Variants in IFT88 observed in about 807,000 individuals in gnomAD.
The protein encoded by IFT88 is intraflagellar transport protein 88 homolog.
IFT88 carries 74 observed loss-of-function variants against 119.5 expected under a neutral mutation model. The ratio of observed to expected loss-of-function variants is 0.62; its 90% CI spans 0.51 to 0.75. The LOEUF is 0.75. Ranked by LOEUF, IFT88 falls within the 30% of genes least tolerant of loss-of-function variation. The probability of loss-of-function intolerance (pLI) is 0.00; values close to 1 mark genes in which losing one functional copy is unlikely to be tolerated. For missense variants in IFT88, 961 were observed against 977.7 expected (o/e 0.98, Z 0.23); for synonymous variants, 279 against 316.7 (o/e 0.88, Z 1.26).
intron 20 of IFT88, among the ~76,000 whole-genome samples, chr13:20,652,130 T>C (rs2051836674): frequency 6.6e-6 from 1 of 152,206 alleles, no homozygotes; most frequent in African/African-American, 2.4e-5. Context: ...ATAAAATGTT[T>C]TGGAGATCGT....
At chr13:20,614,605 T>C (rs2045264128) in intron 13 of IFT88, among the ~76,000 whole-genome samples, 1 of 152,066 alleles carries the variant, frequency 6.6e-6, no homozygotes, top group South Asian at 2.1e-4. Flanking sequence ...AATGGAAATA[T>C]AGTGGGAATA....
intron 13 of IFT88, chr13:20,612,253 G>A (rs915978940): frequency 6.6e-6 from 1 of 152,116 alleles, no homozygotes; most frequent in African/African-American, 2.4e-5. Context: ...TGGATTTTTG[G>A]AGCAGGGAGA....
intron 20 of IFT88, among the ~76,000 whole-genome samples, chr13:20,648,013 C>T (rs960529504): frequency 6.6e-6 from 1 of 152,148 alleles, no homozygotes; most frequent in African/African-American, 2.4e-5. Context: ...CACCAGAAAC[C>T]TTGGAGGCCA....
chr13:20,585,655 AGACT>A (rs986519084), intron 3 of IFT88, among the ~76,000 whole-genome samples: 1 of 152,204 alleles, frequency 6.6e-6, no homozygotes, highest in Non-Finnish European at 1.5e-5. Context: ...TCACATTGAT[AGACT>A]GACCAGTGGC....
chr13:20,667,338 T>G (rs911178512), intron 23 of IFT88, among the ~76,000 whole-genome samples: 12 of 152,198 alleles, frequency 7.9e-5, no homozygotes, highest in Non-Finnish European at 1.6e-4. Flanking sequence ...GTGTTTACTG[T>G]GCTCCTAAAA....
At chr13:20,679,963 T>G (rs1351248971) in intron 24 of IFT88, among the ~76,000 whole-genome samples, 2 of 152,216 alleles carry the variant, frequency 1.3e-5, no homozygotes, top group East Asian at 3.8e-4. Flanking sequence ...TAGCTACAGA[T>G]TGAGAGGTGA....
At chr13:20,656,475 T>C in intron 22 of IFT88, 45 bp downstream of exon 22, 1 of 893,132 alleles carries the variant, frequency 1.1e-6, no homozygotes, top group East Asian at 2.7e-5. Flanking sequence ...TAAGTTCTCA[T>C]ATTTTATGTT....
At position 20,638,477 on chromosome 13, in the gene IFT88, T is replaced by C; in HGVS notation, c.1532T>C (p.Leu511Pro). Residue 511 changes from leucine (L) to proline (P), a missense_variant, in exon 17 of 26, where the codon CTA becomes CCA. By Grantham distance (98) the Leu-to-Pro change is moderately conservative. Transcript: ENST00000351808. ...GCCGCTGAATTCTATAAAGAGGCTC[T>C]AAGAAATGATTCTTCTTGTACTGAA... The part of the protein sequence containing the change: ...EKAAEFYKEA[L>P]RNDSSCTEAL... 1 of 1,519,442 alleles carries C rather than the reference T, an allele frequency of 6.6e-7. No individual in the cohort carries two copies. Among genetic ancestry groups the C allele is most frequent in the Non-Finnish European group, 8.8e-7 (1 of 1,141,624 alleles). 94.1% of individuals were successfully genotyped at this position (1,519,442 alleles called of 1,614,324 possible).
intron 13 of IFT88, among the ~76,000 whole-genome samples, chr13:20,606,707 C>T (rs1014032558): frequency 6.6e-6 from 1 of 152,050 alleles, no homozygotes; most frequent in African/African-American, 2.4e-5. Context: ...GGTGAAACCT[C>T]ATCTTTACTA....
chr13:20,590,446 T>C (rs1354536667), intron 4 of IFT88, among the ~76,000 whole-genome samples: 2 of 152,164 alleles, frequency 1.3e-5, no homozygotes, highest in Admixed American at 1.3e-4. Context: ...CAAAAAAATA[T>C]CTTCAGAACC....
rs9579903 is a variant in IFT88 at position 20,587,933 on chromosome 13, A to G, written c.154-1878A>G. 6.4e-3 allele frequency among the ~76,000 whole-genome samples: 944 copies of G among 146,850 alleles called. 8 individuals are homozygous for G. The highest frequency in any genetic ancestry group is 0.02 in the African/African-American group (808 of 40,202). On this transcript the variant is annotated intron_variant, in intron 3 of 25. Coordinates refer to ENST00000351808, the MANE Select transcript of IFT88 (RefSeq NM_006531.5). ...AACAATCTTATTATTTTAGTTAAGT[A>G]TTTATTCCACTTACATTTAATGAAG...
chr13:20,631,459 T>C, intron 16 of IFT88: 1 of 192,384 alleles, frequency 5.2e-6, no homozygotes, highest in Non-Finnish European at 1.1e-5. Context: ...TTACAGAGTA[T>C]CAACTCTAAC....
At chr13:20,673,762 T>TA (rs1167579714) in intron 24 of IFT88, among the ~76,000 whole-genome samples, 1 of 152,130 alleles carries the variant, frequency 6.6e-6, no homozygotes, top group East Asian at 1.9e-4. Context: ...TTTTTTAATC[T>TA]ATTTTCCTTT....
intron 22 of IFT88, among the ~76,000 whole-genome samples, chr13:20,658,243 C>T (rs1391860805): frequency 8.2e-6 from 1 of 122,508 alleles, no homozygotes; most frequent in African/African-American, 2.5e-5. Context: ...ATTACAGGCA[C>T]ACGCCACCAT....
intron 15 of IFT88, among the ~76,000 whole-genome samples, chr13:20,628,358 G>A (rs1453685801): frequency 6.6e-6 from 1 of 152,222 alleles, no homozygotes; most frequent in African/African-American, 2.4e-5. Context: ...TCAGCGGAAT[G>A]CTGAAGCCAG....
rs1227668473 is a variant in IFT88, at chr13:20,667,232, T to G, written c.2175+3628T>G. On this transcript the variant is annotated intron_variant, in intron 23 of 25. Transcript: ENST00000351808. ...TGTGAACTTTATGAAGTGTTAAAAC[T>G]CTGGAAGGATGAGGGGAATAATTCT... Among the ~76,000 whole-genome samples the G allele has an allele frequency of 3.3e-5, 5 of 152,218 alleles. No individual in the cohort carries two copies. In the East Asian group the frequency reaches 9.6e-4, roughly 29 times the overall value.
chr13:20,620,033 A>G (rs374473014), intron 14 of IFT88, among the ~76,000 whole-genome samples: 2 of 151,788 alleles, frequency 1.3e-5, no homozygotes, highest in Non-Finnish European at 2.9e-5. Flanking sequence ...CCTTGTTTCT[A>G]TTTCTTTGGT....
In IFT88 at chr13:20,644,909, C is replaced by T. The variant is rs772318137; in HGVS notation, c.1900C>T (p.Gln634Ter). 1 of 1,605,350 alleles carries T rather than the reference C, an allele frequency of 6.2e-7. No individual in the cohort carries two copies. The highest frequency in any genetic ancestry group is 1.1e-5 in the South Asian group (1 of 90,094). The change falls in exon 20 of 26, where the codon CAA becomes TAA. Residue 634 changes from glutamine to a stop codon, truncating the protein, a stop_gained. Coordinates refer to ENST00000351808, the MANE Select transcript of IFT88 (RefSeq NM_006531.5). LOFTEE classifies it high-confidence loss of function. ...EWLGAYYIDT[Q>*]FWEKAIQYFE... ...GCTTGGAGCCTATTACATTGACACCCAATTTTGGGAAAAAGCTATTCAGTA... is the reference window on the plus strand; with the variant it reads ...GCTTGGAGCCTATTACATTGACACCTAATTTTGGGAAAAAGCTATTCAGTA...
chr13:20,620,842 T>C (rs1037320008), intron 14 of IFT88, among the ~76,000 whole-genome samples: 5 of 152,138 alleles, frequency 3.3e-5, no homozygotes, highest in African/African-American at 1.2e-4. Context: ...AGGACACTTT[T>C]TGAATGGAAT....
Sources: allele counts gnomAD v4.1 joint callset (sites outside exome capture counted in the v4.1 genomes callset), GRCh38; gene constraint gnomAD v4.1.1; transcripts MANE v1.5; gene names NCBI Gene and HGNC (gene_info 2026-07-23, HGNC 2026-07-21).